SLC3A2: variants seen among roughly 807,000 people sequenced by gnomAD.
SLC3A2 encodes the protein solute carrier family 3 member 2, also known as amino acid transporter heavy chain SLC3A2.
SLC3A2 carries 32 observed loss-of-function variants against 48.5 expected under a neutral mutation model. The observed-to-expected ratio is 0.66, with a 90% CI of 0.50 to 0.89. The LOEUF (loss-of-function observed/expected upper bound fraction) is 0.89, where lower values mean the gene tolerates loss of function less well. Among genes scored for constraint, SLC3A2 ranks in the 40% least tolerant of loss-of-function variants. The probability of loss-of-function intolerance (pLI) is 0.00; values close to 1 mark genes in which losing one functional copy is unlikely to be tolerated. For missense variants in SLC3A2, 587 were observed against 680.7 expected, an observed-to-expected ratio of 0.86 and a Z score of 1.53; for synonymous variants, 277 against 288.8, an observed-to-expected ratio of 0.96 and a Z score of 0.41.
intron 1 of SLC3A2, among the ~76,000 whole-genome samples, chr11:62,864,794 A>G (rs2085436263): frequency 6.7e-6 from 1 of 149,746 alleles, no homozygotes; most frequent in African/African-American, 2.5e-5. Flanking sequence ...TTTGAGACAG[A>G]GTCCCACTCT....
rs1239783937 is a variant in SLC3A2 at position 62,885,467 on chromosome 11, G to C, written c.1002G>C (p.Leu334Phe). 1 of 1,614,202 alleles carries C rather than the reference G, an allele frequency of 6.2e-7. No individual in the cohort carries two copies. Among genetic ancestry groups the C allele is most frequent in the South Asian group, 1.1e-5 (1 of 91,088 alleles). ...CACTGGAGTGTCTCTCCCTGTAGTT[G>C]TCTCAGGCAAGGCTCCTGACTTCCT... is the stretch of plus-strand genomic sequence containing the variant. ...ATGNRWCSWS[L>F]SQARLLTSFL... Residue 334 changes from leucine (L) to phenylalanine (F), a missense_variant and splice_region_variant, in exon 7 of 9, where the codon TTG (leucine) becomes TTC (phenylalanine). Transcript: ENST00000338663.
At chr11:62,865,959 T>C (rs1023462425) in intron 1 of SLC3A2, among the ~76,000 whole-genome samples, 50 of 152,160 alleles carry the variant, frequency 3.3e-4, no homozygotes, top group African/African-American at 1.2e-3. Context: ...AAGCCACCAC[T>C]GAATTTCTAA....
chr11:62,884,720 G>T (rs1459042030), intron 5 of SLC3A2, 30 bp downstream of exon 5: 5 of 1,555,936 alleles, frequency 3.2e-6, no homozygotes, highest in African/African-American at 1.4e-5. Context: ...TGCTGACTCA[G>T]CTCCAATGTG....
upstream of SLC3A2, among the ~76,000 whole-genome samples, chr11:62,876,430 CT>C (rs1197372338): frequency 6.6e-6 from 1 of 152,000 alleles, no homozygotes; most frequent in Admixed American, 6.6e-5. Flanking sequence ...AGGCTAAATT[CT>C]TGAAAAATTA....
chr11:62,884,432 T>C lies in SLC3A2; in HGVS notation c.691-25T>C, dbSNP rs1189015127. 3.7e-6 allele frequency: 6 copies of C among 1,613,748 alleles called. No individual in the cohort carries two copies. In the African/African-American group the frequency reaches 4.0e-5, roughly 11 times the overall value. ...GCCTTTTCCTGAGAACTGATGTCTG[T>C]CCTTTATTCTTCTGCCCCCTATAGG... On this transcript the variant is annotated intron_variant, in intron 3 of 8. Transcript: ENST00000338663.
chr11:62,862,952 C>T (rs1294880555), intron 1 of SLC3A2, among the ~76,000 whole-genome samples: 3 of 152,176 alleles, frequency 2.0e-5, no homozygotes, highest in Non-Finnish European at 4.4e-5. Flanking sequence ...GATGGGGTCT[C>T]ATTCTGTCAC....
chr11:62,860,212 G>A (rs2085384060), intron 1 of SLC3A2, among the ~76,000 whole-genome samples: 1 of 152,012 alleles, frequency 6.6e-6, no homozygotes. Context: ...GCAGTAAAGA[G>A]CAGTATTGGC....
intron 2 of SLC3A2, 150 bp downstream of exon 2, chr11:62,882,216 G>A: frequency 1.1e-6 from 1 of 895,220 alleles, no homozygotes; most frequent in Non-Finnish European, 1.7e-6. Flanking sequence ...AGCCTAAAAT[G>A]GATTTGTCCA....
chr11:62,884,921 T>C (rs1325174456), intron 5 of SLC3A2, among the ~76,000 whole-genome samples: 2 of 135,506 alleles, frequency 1.5e-5, no homozygotes, highest in African/African-American at 2.7e-5. Flanking sequence ...AACCTCTGCC[T>C]CCTGGGTTCA....
Position 62,870,845 on chromosome 11 carries a change from TAATAATA to T in SLC3A2, c.113-10172_113-10166del, listed in dbSNP as rs765516558. 465 of 140,056 alleles carry T rather than the reference TAATAATA, an allele frequency of 3.3e-3. 8 individuals carry two copies. The highest frequency in any genetic ancestry group is 0.018 in the African/African-American group (441 of 23,866). The allele number at this position is 140,056 out of a possible 1,614,324, so 8.7% of individuals were successfully genotyped here. A position where few individuals can be genotyped will look rare whatever the true frequency, so the allele number is the denominator to read the frequency against. On this transcript the variant is annotated intron_variant, in intron 1 of 9. Transcript: ENST00000377889. ...AGAATGCCGAGATGATAGGTAATAA[TAATAATA>T]ATAATTATTATTATTATTATTATTA...
At chr11:62,866,355 T>A (rs762828223) in intron 1 of SLC3A2, among the ~76,000 whole-genome samples, 5 of 151,882 alleles carry the variant, frequency 3.3e-5, no homozygotes, top group Non-Finnish European at 7.4e-5. Flanking sequence ...TGACCTCAGG[T>A]GATCCATCCT....
chr11:62,878,877 C>A (rs1392744766), upstream of SLC3A2, among the ~76,000 whole-genome samples: 1 of 151,690 alleles, frequency 6.6e-6, no homozygotes, highest in Admixed American at 6.6e-5. Flanking sequence ...CGGGTTCAAG[C>A]GATTCTCATG....
intron 2 of SLC3A2, chr11:62,882,384 T>C (rs2085653862): frequency 3.0e-6 from 1 of 335,378 alleles, no homozygotes; most frequent in Admixed American, 4.5e-5. Flanking sequence ...ATCCCAAATA[T>C]TGTTTTACGA....
At chr11:62,872,970 CTAAA>C (rs925613277) in intron 1 of SLC3A2, among the ~76,000 whole-genome samples, 9 of 152,134 alleles carry the variant, frequency 5.9e-5, no homozygotes, top group Admixed American at 1.3e-4. Flanking sequence ...ATACCATACT[CTAAA>C]TATCTACTTC....
chr11:62,869,715 A>G (rs1406437424), intron 1 of SLC3A2, among the ~76,000 whole-genome samples: 2 of 150,876 alleles, frequency 1.3e-5, no homozygotes, highest in Non-Finnish European at 3.0e-5. Flanking sequence ...GCAAATTGTG[A>G]TGCATAATTT....
intron 1 of SLC3A2, among the ~76,000 whole-genome samples, chr11:62,870,206 A>G (rs1315082835): frequency 2.0e-5 from 3 of 149,252 alleles, no homozygotes; most frequent in Non-Finnish European, 4.5e-5. Flanking sequence ...TTTTTGAGAC[A>G]GAGTCTCACT....
chr11:62,875,814 G>A (rs2085565632), intron 1 of SLC3A2, among the ~76,000 whole-genome samples: 1 of 152,104 alleles, frequency 6.6e-6, no homozygotes, highest in Non-Finnish European at 1.5e-5. Context: ...TGATCCGCCC[G>A]CCTCAGCCTC....
chr11:62,858,947 T>C (rs1356801707), intron 1 of SLC3A2, among the ~76,000 whole-genome samples: 1 of 152,034 alleles, frequency 6.6e-6, no homozygotes, highest in Non-Finnish European at 1.5e-5. Flanking sequence ...TACAATCGGG[T>C]TTTATACCGA....
chr11:62,864,258 C>A (rs2085429384), intron 1 of SLC3A2, among the ~76,000 whole-genome samples: 1 of 151,782 alleles, frequency 6.6e-6, no homozygotes, highest in Admixed American at 6.6e-5. Context: ...GCCAAGGACC[C>A]AATGCGATTA....
Sources: gnomAD v4.1 joint callset for allele counts (sites outside exome capture counted in the v4.1 genomes callset) on GRCh38, gnomAD v4.1.1 for gene constraint, MANE v1.5 for transcripts, NCBI Gene and HGNC (gene_info 2026-07-23, HGNC 2026-07-21) for gene names.